The following TUBD1 variants were observed in gnomAD, a reference collection of about 807,000 sequenced individuals.
TUBD1 encodes the protein tubulin delta 1, also known as tubulin delta chain.
A neutral mutation model predicts 51.2 loss-of-function variants in TUBD1; 38 were observed. The ratio of observed to expected loss-of-function variants is 0.74; its 90% CI spans 0.57 to 0.97. The LOEUF is 0.97. TUBD1 is among the 50% of genes least tolerant of loss of function. TUBD1 has a pLI of 0.00. For missense variants in TUBD1, 489 were observed against 538.4 expected, an observed-to-expected ratio of 0.91 and a Z score of 0.91; for synonymous variants, 169 against 178.2, an observed-to-expected ratio of 0.95 and a Z score of 0.41.
At chr17:59,865,367 G>A (rs1012683593) in intron 7 of TUBD1, among the ~76,000 whole-genome samples, 2 of 152,010 alleles carry the variant, frequency 1.3e-5, no homozygotes, top group African/African-American at 4.8e-5. Flanking sequence ...GACCAGCCTG[G>A]TCTGCAGTTT....
chr17:59,873,395 C>T (rs1358665379), intron 6 of TUBD1, among the ~76,000 whole-genome samples: 1 of 151,874 alleles, frequency 6.6e-6, no homozygotes, highest in Admixed American at 6.6e-5. Context: ...GAATACAGGC[C>T]CATGTCACCA....
chr17:59,889,620 G>A (rs1383058703), intron 2 of TUBD1, among the ~76,000 whole-genome samples: 1 of 138,462 alleles, frequency 7.2e-6, no homozygotes, highest in Non-Finnish European at 1.5e-5. Context: ...AGTGAGCCAA[G>A]ATCGCACCAC....
intron 8 of TUBD1, among the ~76,000 whole-genome samples, chr17:59,862,021 G>C (rs927533992): frequency 5.3e-5 from 8 of 151,032 alleles, no homozygotes; most frequent in African/African-American, 1.7e-4. Context: ...TGGGGTATCC[G>C]AGCTAATGAA....
intron 4 of TUBD1, among the ~76,000 whole-genome samples, chr17:59,880,004 C>T (rs528579202): frequency 3.3e-5 from 5 of 152,102 alleles, no homozygotes; most frequent in South Asian, 2.1e-4. Flanking sequence ...CCATCCGCCT[C>T]GGCCTCCCAA....
intron 6 of TUBD1, among the ~76,000 whole-genome samples, chr17:59,868,555 T>C (rs1377070929): frequency 6.6e-6 from 1 of 150,994 alleles, no homozygotes; most frequent in Non-Finnish European, 1.5e-5. Context: ...AATAACAAAA[T>C]TAGGCCAGGT....
chr17:59,871,846 A>G (rs1250757334), intron 6 of TUBD1, among the ~76,000 whole-genome samples: 1 of 152,022 alleles, frequency 6.6e-6, no homozygotes, highest in African/African-American at 2.4e-5. Context: ...CCCAGGCTGG[A>G]GTGCAGTGGC....
chr17:59,887,754 A>T (rs1253229474), intron 2 of TUBD1, among the ~76,000 whole-genome samples: 1 of 152,170 alleles, frequency 6.6e-6, no homozygotes, highest in African/African-American at 2.4e-5. Flanking sequence ...TGGCCTTCTA[A>T]GTAGCTGGGA....
chr17:59,868,838 A>AAAATAAAT (rs553719952), intron 6 of TUBD1, among the ~76,000 whole-genome samples: 8 of 151,580 alleles, frequency 5.3e-5, no homozygotes, highest in African/African-American at 1.9e-4. Flanking sequence ...TCCATCTCAA[A>AAAATAAAT]AAATAAATAA....
At chr17:59,868,159 C>T (rs1314651862) in intron 6 of TUBD1, among the ~76,000 whole-genome samples, 1 of 146,566 alleles carries the variant, frequency 6.8e-6, no homozygotes, top group African/African-American at 2.6e-5. Flanking sequence ...TGGCAGGTGC[C>T]TATAATCTCA....
chr17:59,871,456 C>T (rs1319088501), intron 6 of TUBD1, among the ~76,000 whole-genome samples: 1 of 152,102 alleles, frequency 6.6e-6, no homozygotes, highest in Non-Finnish European at 1.5e-5. Context: ...CCTTGGCCTC[C>T]CAAAGTGCTG....
At chr17:59,869,484 A>G (rs1331884310) in intron 6 of TUBD1, among the ~76,000 whole-genome samples, 2 of 151,274 alleles carry the variant, frequency 1.3e-5, no homozygotes, top group African/African-American at 4.8e-5. Flanking sequence ...CCCCCGCCAA[A>G]AAAAAAAAAG....
At chr17:59,878,489 CT>C (rs71370137) in intron 4 of TUBD1, 155 bp from the exon 5 acceptor site, 64,550 of 454,154 alleles carry the variant, frequency 0.14, 23 homozygotes, top group East Asian at 0.19. Context: ...GCTCAGTTTC[CT>C]TTTTTTTTTT....
intron 6 of TUBD1, among the ~76,000 whole-genome samples, chr17:59,872,241 C>A (rs892770462): frequency 1.3e-5 from 2 of 152,008 alleles, no homozygotes; most frequent in Non-Finnish European, 2.9e-5. Context: ...CGTGAGCCAC[C>A]CTGCCGGGCC....
At chr17:59,889,323 T>G (rs1480255378) in intron 2 of TUBD1, among the ~76,000 whole-genome samples, 1 of 150,550 alleles carries the variant, frequency 6.6e-6, no homozygotes, top group Non-Finnish European at 1.5e-5. Context: ...TGGAAAGAGT[T>G]TTTATACGTT....
chr17:59,891,399 T>C (rs1292766009), intron 1 of TUBD1, among the ~76,000 whole-genome samples: 6 of 151,874 alleles, frequency 4.0e-5, no homozygotes, highest in African/African-American at 1.5e-4. Context: ...CCTCCCAAAG[T>C]GCTGGGATTA....
chr17:59,886,684 T>C (rs2040750750), intron 2 of TUBD1: 1 of 149,056 alleles, frequency 6.7e-6, no homozygotes. Context: ...TACAAACATA[T>C]GCTGAATGCT....
chr17:59,890,723 T>A lies in TUBD1; in HGVS notation c.172+108A>T, dbSNP rs2040960606. ...GAAATGAAAAGCAAAAACAAAGTAA[T>A]TCCCTAGTGAGATGGGAAGGAATGG... is the stretch of plus-strand genomic sequence containing the variant. On this transcript the variant is annotated intron_variant, in intron 2 of 8. Coordinates refer to ENST00000325752, the MANE Select transcript of TUBD1 (RefSeq NM_016261.4). The A allele has an allele frequency of 9.8e-6, 9 of 914,478 alleles. No individual in the cohort carries two copies. In the South Asian group the frequency reaches 1.8e-4, roughly 18 times the overall value. The allele number at this position is 914,478 out of a possible 1,614,324, so 56.6% of individuals were successfully genotyped here. A position where few individuals can be genotyped will look rare whatever the true frequency, so the allele number is the denominator to read the frequency against.
At chr17:59,861,467 G>C (rs912444546) in intron 8 of TUBD1, among the ~76,000 whole-genome samples, 2 of 151,956 alleles carry the variant, frequency 1.3e-5, no homozygotes, top group African/African-American at 4.8e-5. Flanking sequence ...CCAAAGTGCT[G>C]GGGTTACAAG....
Position 59,889,331 on chromosome 17 carries a change from G to A in TUBD1, c.172+1500C>T, listed in dbSNP as rs191726559. 1.8e-4 allele frequency among the ~76,000 whole-genome samples: 27 copies of A among 150,932 alleles called. No homozygotes were observed. In the East Asian group the frequency reaches 5.2e-3, roughly 29 times the overall value. ...GCCCTGCTGGAAAGAGTTTTTATACGTTACTGTTATCAAACGCAGTAGAGG... is the reference window on the plus strand; with the variant it reads ...GCCCTGCTGGAAAGAGTTTTTATACATTACTGTTATCAAACGCAGTAGAGG... On this transcript the variant is annotated intron_variant, in intron 2 of 8. Coordinates refer to ENST00000325752, the MANE Select transcript of TUBD1 (RefSeq NM_016261.4).
Sources: allele counts gnomAD v4.1 joint callset (sites outside exome capture counted in the v4.1 genomes callset), GRCh38; gene constraint gnomAD v4.1.1; transcripts MANE v1.5; gene names NCBI Gene and HGNC (gene_info 2026-07-23, HGNC 2026-07-21).